MAP3K11: variants seen among roughly 807,000 people sequenced by gnomAD.
MAP3K11 encodes the protein SH3 domain-containing proline-rich kinase.
Under a neutral mutation model 84.9 loss-of-function variants are expected in MAP3K11, and 46 were observed. The ratio of observed to expected loss-of-function variants is 0.54; its 90% CI spans 0.43 to 0.69. The LOEUF (loss-of-function observed/expected upper bound fraction) is 0.69, where lower values mean the gene tolerates loss of function less well. Among genes scored for constraint, MAP3K11 ranks in the 30% least tolerant of loss-of-function variants. The probability of loss-of-function intolerance (pLI) is 0.00; values close to 1 mark genes in which losing one functional copy is unlikely to be tolerated. For synonymous variants in MAP3K11, 527 were observed against 514.7 expected, an observed-to-expected ratio of 1.02 and a Z score of -0.32; for missense variants, 1,053 against 1,198.3, an observed-to-expected ratio of 0.88 and a Z score of 1.79.
chr11:65,613,962 G>C lies in MAP3K11; in HGVS notation c.-206C>G. On this transcript the variant is annotated 5_prime_UTR_variant, in exon 1 of 10. Coordinates refer to ENST00000309100, the MANE Select transcript of MAP3K11 (RefSeq NM_002419.4). ...CTTCTGGAGGAGGGCACCCAGGGCA[G>C]TGTGGTCAGGCCGGGGGGGTGGGGC... The C allele has an allele frequency of 1.5e-6, 1 of 653,830 alleles. No individual in the cohort carries two copies. The highest frequency in any genetic ancestry group is 2.5e-6 in the Non-Finnish European group (1 of 398,916). 40.5% of individuals were successfully genotyped at this position (653,830 alleles called of 1,614,324 possible). A position where few individuals can be genotyped will look rare whatever the true frequency, so the allele number is the denominator to read the frequency against.
chr11:65,607,149 T>A, intron 5 of MAP3K11, 121 bp downstream of exon 5: 6 of 1,292,410 alleles, frequency 4.6e-6, no homozygotes, highest in Non-Finnish European at 6.0e-6. Flanking sequence ...CCTCCCAGCC[T>A]TCATCTCACG....
chr11:65,598,735 A>C, intron 9 of MAP3K11, 107 bp from the exon 10 acceptor site: 2 of 744,250 alleles, frequency 2.7e-6, no homozygotes, highest in Non-Finnish European at 4.0e-6. Flanking sequence ...ACAGTGACCT[A>C]CTTGACTCAA....
intron 5 of MAP3K11, 95 bp downstream of exon 5, chr11:65,607,175 C>T (rs1854519416): frequency 2.9e-6 from 4 of 1,383,842 alleles, no homozygotes; most frequent in African/African-American, 1.5e-5. Flanking sequence ...ACCCACAACA[C>T]CCTAAACCAA....
chr11:65,600,296 G>A (rs1854441959), intron 8 of MAP3K11, among the ~76,000 whole-genome samples: 1 of 152,212 alleles, frequency 6.6e-6, no homozygotes, highest in South Asian at 2.1e-4. Flanking sequence ...CTCTATTCTA[G>A]AAAGGAGGAA....
chr11:65,613,806 TG>T lies in MAP3K11; in HGVS notation c.-51del. On this transcript the variant is annotated 5_prime_UTR_variant, in exon 1 of 10. Coordinates refer to ENST00000309100, the MANE Select transcript of MAP3K11 (RefSeq NM_002419.4). ...GTGGAGGACCTTCTCTGGGTGCCCGTGGTCCCCACCCCCGCTGGCTGCCAAG... is the reference window on the plus strand; with the variant it reads ...GTGGAGGACCTTCTCTGGGTGCCCGTGTCCCCACCCCCGCTGGCTGCCAAG... The T allele has an allele frequency of 6.8e-7, 1 of 1,473,722 alleles. No homozygotes were observed. Among genetic ancestry groups the T allele is most frequent in the Non-Finnish European group, 9.0e-7 (1 of 1,116,850 alleles). 91.3% of individuals were successfully genotyped at this position (1,473,722 alleles called of 1,614,324 possible).
chr11:65,603,275 C>G (rs1163000707), intron 8 of MAP3K11, among the ~76,000 whole-genome samples: 1 of 152,236 alleles, frequency 6.6e-6, no homozygotes, highest in Admixed American at 6.5e-5. Flanking sequence ...TCTAAGCTTC[C>G]TGGCAGCAAG....
intron 8 of MAP3K11, 198 bp downstream of exon 8, chr11:65,605,563 G>A (rs959522667): frequency 1.9e-5 from 10 of 527,002 alleles, no homozygotes; most frequent in Admixed American, 7.9e-5. Flanking sequence ...TGGGCTGTAT[G>A]CCGCTTGATC....
chr11:65,612,704 G>A (rs1487593611), intron 1 of MAP3K11: 4 of 283,786 alleles, frequency 1.4e-5, no homozygotes, highest in Non-Finnish European at 2.0e-5. Flanking sequence ...GCTTCCAGAG[G>A]ACTTCCTTGA....
Position 65,613,992 on chromosome 11 carries a change from G to GGGCCTCCGGCGCCTCAC in MAP3K11, c.-253_-237dup. The GGGCCTCCGGCGCCTCAC allele has an allele frequency of 1.9e-6, 1 of 531,370 alleles. No homozygotes were observed. Among genetic ancestry groups the GGGCCTCCGGCGCCTCAC allele is most frequent in the African/African-American group, 1.9e-5 (1 of 51,854 alleles). The allele number at this position is 531,370 out of a possible 1,614,324, so 32.9% of individuals were successfully genotyped here. ...GTCAGGCCGGGGGGGTGGGGCCCCG[G>GGGCCTCCGGCGCCTCAC]GGCCTCCGGCGCCTCACCATGGCTA... is the stretch of plus-strand genomic sequence containing the variant. On this transcript the variant is annotated 5_prime_UTR_variant, in exon 1 of 10. It introduces an in-frame stop codon into an upstream open reading frame of the 5' UTR. Coordinates refer to ENST00000309100, the MANE Select transcript of MAP3K11 (RefSeq NM_002419.4).
In MAP3K11 at chr11:65,598,555, G is replaced by C. The variant is rs1320543796; in HGVS notation, c.2280C>G (p.Pro760=). The C allele has an allele frequency of 3.1e-6, 5 of 1,608,528 alleles. No individual in the cohort carries two copies. The African/African-American group carries it at 6.7e-5, about 21-fold the overall frequency. ...GCCGAGGTCGGCTGATGAGGCCCAG[G>C]GGTGGTGAACGTGGGGTGCCTGGGG... is the stretch of plus-strand genomic sequence containing the variant. ...PGTPGTPRSP[P]LGLISRPRPS... The change falls in exon 10 of 10, where the codon CCC becomes CCG. Residue 760 remains proline (P), a synonymous_variant. Transcript: ENST00000309100.
chr11:65,606,196 C>T, intron 6 of MAP3K11, 115 bp from the exon 7 acceptor site: 3 of 1,229,352 alleles, frequency 2.4e-6, no homozygotes, highest in Non-Finnish European at 3.2e-6. Flanking sequence ...TGTACCATTC[C>T]CAGGGTGAGC....
Position 65,598,457 on chromosome 11 carries a change from G to A in MAP3K11, c.2378C>T (p.Ser793Leu). The A allele has an allele frequency of 6.2e-7, 1 of 1,612,676 alleles. No homozygotes were observed. Among genetic ancestry groups the A allele is most frequent in the Non-Finnish European group, 8.5e-7 (1 of 1,179,172 alleles). Residue 793 changes from serine (S) to leucine (L), a missense_variant, in exon 10 of 10, where the codon TCA (serine) becomes TTA (leucine). Ser to Leu is a moderately radical substitution (Grantham distance 145). This residue lies in a region of MAP3K11 where 583 missense variants were observed against 566.6 expected (regional missense o/e 1.03). Transcript: ENST00000309100. ...SAGPRPSPLP[S>L]PQPAPRRAPW... ...TGCTCGGCGGGGTGCAGGCTGTGGT[G>A]ATGGCAGGGGAGAAGGCCGTGGCCC...
chr11:65,598,112 G>A lies in MAP3K11; in HGVS notation c.*179C>T, dbSNP rs1355307692. ...GGACCTACAGGTTTCAGATGTGGGG[G>A]CGCAGGTCCCCCTTCCAGTGTGAAG... On this transcript the variant is annotated 3_prime_UTR_variant, in exon 10 of 10. Transcript: ENST00000309100. 2 of 437,872 alleles carry A rather than the reference G, an allele frequency of 4.6e-6. No individual in the cohort carries two copies. Among genetic ancestry groups the A allele is most frequent in the African/African-American group, 2.0e-5 (1 of 49,406 alleles). 27.1% of individuals were successfully genotyped at this position (437,872 alleles called of 1,614,324 possible). A position where few individuals can be genotyped will look rare whatever the true frequency, so the allele number is the denominator to read the frequency against.
rs545350564 is a variant in MAP3K11, at chr11:65,613,921, C to T, written c.-165G>A. On this transcript the variant is annotated 5_prime_UTR_variant, in exon 1 of 10. Coordinates refer to ENST00000309100, the MANE Select transcript of MAP3K11 (RefSeq NM_002419.4). The stretch of plus-strand genomic sequence containing the variant: ...GGGAGCCAGGAGTGTTGTCTCCCGG[C>T]CCCCCGCATCTCGGGCTTCTGGAGG... 7.3e-4 allele frequency: 602 copies of T among 828,912 alleles called. 4 individuals are homozygous for T. In the African/African-American group the frequency reaches 9.6e-3, roughly 13 times the overall value. The allele number at this position is 828,912 out of a possible 1,614,324, so 51.3% of individuals were successfully genotyped here. A position where few individuals can be genotyped will look rare whatever the true frequency, so the allele number is the denominator to read the frequency against.
At chr11:65,603,566 G>A (rs1180425546) in intron 8 of MAP3K11, among the ~76,000 whole-genome samples, 1 of 152,248 alleles carries the variant, frequency 6.6e-6, no homozygotes, top group Non-Finnish European at 1.5e-5. Context: ...GCTTATGCCG[G>A]GGACCATCTC....
chr11:65,607,024 A>C (rs2306361), intron 5 of MAP3K11: 282,437 of 618,412 alleles, frequency 0.46, 67,105 homozygotes, highest in African/African-American at 0.66. Flanking sequence ...GGCCCCGCCC[A>C]CTAGACCTTC....
intron 1 of MAP3K11, chr11:65,611,848 T>TA (rs1256737984): frequency 2.0e-5 from 3 of 152,280 alleles, no homozygotes; most frequent in African/African-American, 7.2e-5. Flanking sequence ...CCTAGATAGT[T>TA]AGAGCCCAGG....
At chr11:65,604,368 T>C (rs1362021133) in intron 8 of MAP3K11, among the ~76,000 whole-genome samples, 2 of 152,232 alleles carry the variant, frequency 1.3e-5, no homozygotes, top group African/African-American at 4.8e-5. Context: ...TCTGGCCTGG[T>C]ACAATTTAGA....
rs1037993507 is a variant in MAP3K11, at chr11:65,606,048, C to A, written c.1637G>T (p.Arg546Leu). ...GTCCTCCAGACGTCGGGGGGACTGG[C>A]GGCCCCATGCCTGGCCTGGCTCTGC... ...EPAEPGQAWG[R>L]QSPRRLEDSS... is the part of the protein sequence containing the mutation. The change falls in exon 7 of 10, where the codon CGC (arginine) becomes CTC (leucine). Residue 546 changes from arginine (R) to leucine (L), a missense_variant. By Grantham distance (102) the Arg-to-Leu change is moderately radical. Transcript: ENST00000309100. The A allele has an allele frequency of 3.1e-6, 5 of 1,588,774 alleles. No homozygotes were observed. Among genetic ancestry groups the A allele is most frequent in the South Asian group, 2.2e-5 (2 of 88,908 alleles).
Sources: gnomAD v4.1 joint callset for allele counts (sites outside exome capture counted in the v4.1 genomes callset) on GRCh38, gnomAD v4.1.1 for gene constraint, gnomAD v4.1.1 regional missense constraint, MANE v1.5 for transcripts, NCBI Gene and HGNC (gene_info 2026-07-23, HGNC 2026-07-21) for gene names.